The following TOX2 variants were observed in gnomAD, a reference collection of about 807,000 sequenced individuals.
The protein encoded by TOX2 is TOX high mobility group box family member 2, also known as granulosa cell HMG box 1.
In TOX2, 15 loss-of-function variants were observed where a neutral mutation model predicts 47.4. The observed-to-expected ratio is 0.32, with a 90% CI of 0.21 to 0.49. The LOEUF is 0.49. Among genes scored for constraint, TOX2 ranks in the 20% least tolerant of loss-of-function variants. TOX2 has a pLI of 0.99. For missense variants in TOX2, 622 were observed against 673.1 expected (o/e 0.92, Z 0.84); for synonymous variants, 290 against 296.6 (o/e 0.98, Z 0.23).
intron 2 of TOX2, among the ~76,000 whole-genome samples, chr20:43,990,498 A>G (rs2070351045): frequency 6.6e-6 from 1 of 152,196 alleles, no homozygotes; most frequent in African/African-American, 2.4e-5. Context: ...TGGTGCCACC[A>G]CCTGGGAAGG....
chr20:44,053,471 C>CAT lies in TOX2; in HGVS notation c.652-818_652-817dup, dbSNP rs57421718. On this transcript the variant is annotated intron_variant, in intron 4 of 8. Transcript: ENST00000341197. The stretch of plus-strand genomic sequence containing the variant: ...ACACACACACACACACACACACACA[C>CAT]ATATATATATACACACATATATATA... 5.6e-4 allele frequency among the ~76,000 whole-genome samples: 63 copies of CAT among 113,290 alleles called. No homozygotes were observed. In the South Asian group the frequency reaches 6.8e-3, roughly 12 times the overall value. 74.3% of individuals were successfully genotyped at this position (113,290 alleles called of 152,430 possible).
intron 1 of TOX2, among the ~76,000 whole-genome samples, chr20:43,934,167 G>GAGAGAGAGAGAGAGAGA (rs1325521677): frequency 2.4e-4 from 36 of 149,878 alleles, no homozygotes; most frequent in African/African-American, 8.9e-4. Flanking sequence ...GAGAGAGAGA[G>GAGAGAGAGAGAGAGAGA]ACCTGCCCTC....
At chr20:44,046,505 G>A (rs1457446637) in intron 3 of TOX2, among the ~76,000 whole-genome samples, 2 of 152,216 alleles carry the variant, frequency 1.3e-5, no homozygotes, top group African/African-American at 4.8e-5. Context: ...AGATACTTGT[G>A]CACCCACGTT....
Position 43,970,711 on chromosome 20 carries a change from G to C in TOX2, c.100-2656G>C, listed in dbSNP as rs1053109121. Among the ~76,000 whole-genome samples, 10 of 152,210 alleles carry C rather than the reference G, an allele frequency of 6.6e-5. No individual in the cohort carries two copies. The East Asian group carries it at 1.7e-3, about 26-fold the overall frequency. On this transcript the variant is annotated intron_variant, in intron 1 of 8. Coordinates refer to ENST00000341197, the MANE Select transcript of TOX2 (RefSeq NM_001098797.2). ...TCAAGTACCCAGGAGCTTTTGCTGA[G>C]AGCGCCCCCACCCTGCCTAATTTAT...
intron 2 of TOX2, among the ~76,000 whole-genome samples, chr20:44,004,638 G>T (rs2070646403): frequency 1.3e-5 from 2 of 152,174 alleles, no homozygotes; most frequent in Admixed American, 6.5e-5. Context: ...ATGGAATTTA[G>T]GTATCTTGTG....
chr20:44,035,551 G>T lies in TOX2; in HGVS notation c.412-15755G>T, dbSNP rs1476899670. On this transcript the variant is annotated intron_variant, in intron 3 of 8. Transcript: ENST00000341197. ...CCACCACACAAGGCGTCTTGAAGGA[G>T]GGACTGTGTTCTGGTCAGCCATGTG... Among the ~76,000 whole-genome samples, 11 of 152,182 alleles carry T rather than the reference G, an allele frequency of 7.2e-5. 1 individual carries two copies. Among genetic ancestry groups the T allele is most frequent in the Admixed American group, 7.2e-4 (11 of 15,290 alleles).
chr20:44,066,643 A>G, intron 7 of TOX2, 87 bp from the exon 8 acceptor site: 1 of 1,602,746 alleles, frequency 6.2e-7, no homozygotes, highest in Non-Finnish European at 8.5e-7. Context: ...ACACCCTTGG[A>G]CACATGGGCT....
intron 1 of TOX2, among the ~76,000 whole-genome samples, chr20:43,957,949 C>T (rs945803932): frequency 3.3e-5 from 5 of 152,116 alleles, no homozygotes; most frequent in Non-Finnish European, 5.9e-5. Context: ...GGGGGATATC[C>T]GCCCCCAAGA....
At position 43,915,027 on chromosome 20, in the gene TOX2, G is replaced by A. The variant is rs1420156009; in HGVS notation, c.99+37G>A. The A allele has an allele frequency of 3.3e-6, 4 of 1,203,876 alleles. No individual in the cohort carries two copies. Among genetic ancestry groups the A allele is most frequent in the East Asian group, 7.2e-5 (2 of 27,698 alleles). 74.6% of individuals were successfully genotyped at this position (1,203,876 alleles called of 1,614,324 possible). A position where few individuals can be genotyped will look rare whatever the true frequency, so the allele number is the denominator to read the frequency against. ...CGGGCGGGGGTCCCCGGCGGGCGGG[G>A]CCGGAGTCACCTGGCAGCTCGGGAC... On this transcript the variant is annotated intron_variant, in intron 1 of 8. Coordinates refer to ENST00000341197, the MANE Select transcript of TOX2 (RefSeq NM_001098797.2). This position sits in a 1 kb window ranked among gnomAD's most constrained non-coding sequence, Gnocchi z 7.1.
rs1007116824 is a variant in TOX2, at chr20:44,062,415, T to A, written c.880-2362T>A. 7.3e-5 allele frequency among the ~76,000 whole-genome samples: 11 copies of A among 150,344 alleles called. No homozygotes were observed. The South Asian group carries it at 1.5e-3, about 20-fold the overall frequency. On this transcript the variant is annotated intron_variant, in intron 5 of 8. Transcript: ENST00000341197. ...ATAAATAAATAAATAAATGAATAAA[T>A]AAAATACTTAGGAATATACCTAACC...
At chr20:44,056,752 A>G (rs2071625530) in intron 5 of TOX2, among the ~76,000 whole-genome samples, 1 of 152,188 alleles carries the variant, frequency 6.6e-6, no homozygotes. Context: ...GTTGAGTATA[A>G]AAAGTTAGGA....
chr20:43,958,420 C>T (rs773958681), intron 1 of TOX2, among the ~76,000 whole-genome samples: 8 of 152,186 alleles, frequency 5.3e-5, no homozygotes, highest in East Asian at 1.9e-4. Flanking sequence ...GCACACATAC[C>T]GGTTTTCCCC....
intron 3 of TOX2, among the ~76,000 whole-genome samples, chr20:44,023,448 AAAG>A (rs1206646680): frequency 1.6e-4 from 24 of 151,882 alleles, no homozygotes; most frequent in African/African-American, 5.6e-4. Flanking sequence ...AAAAAAAAAA[AAAG>A]GAGGGAAAGA....
chr20:44,023,968 G>A (rs1569106793), intron 3 of TOX2, among the ~76,000 whole-genome samples: 3 of 151,986 alleles, frequency 2.0e-5, no homozygotes, highest in East Asian at 1.9e-4. Flanking sequence ...CCCTTAGCCC[G>A]TCCCCTCTCT....
At chr20:44,004,128 G>A (rs780054392) in intron 2 of TOX2, among the ~76,000 whole-genome samples, 5 of 152,166 alleles carry the variant, frequency 3.3e-5, no homozygotes, top group Admixed American at 1.3e-4. Context: ...TCCCAGGTTC[G>A]TGGTTCTATG....
chr20:44,060,218 T>C (rs561180619), intron 5 of TOX2, among the ~76,000 whole-genome samples: 1 of 152,304 alleles, frequency 6.6e-6, no homozygotes, highest in Admixed American at 6.5e-5. Flanking sequence ...TAAATTTATA[T>C]GCATCTAACA....
chr20:43,979,053 G>A (rs2070128230), intron 2 of TOX2, among the ~76,000 whole-genome samples: 1 of 152,144 alleles, frequency 6.6e-6, no homozygotes, highest in Non-Finnish European at 1.5e-5. Flanking sequence ...CTTCTACCAT[G>A]AGCCCATTTT....
intron 1 of TOX2, chr20:43,945,925 C>T (rs780972898): frequency 7.4e-6 from 12 of 1,613,334 alleles, no homozygotes; most frequent in South Asian, 5.5e-5. Context: ...GCAGCAGACT[C>T]GCACAGAGGC....
At chr20:44,050,147 A>T (rs570466788) in intron 3 of TOX2, among the ~76,000 whole-genome samples, 18 of 152,356 alleles carry the variant, frequency 1.2e-4, no homozygotes, top group African/African-American at 4.3e-4. Flanking sequence ...CACAGTGTAT[A>T]CATGCATCAA....
Sources: allele counts gnomAD v4.1 joint callset (sites outside exome capture counted in the v4.1 genomes callset), GRCh38; gene constraint gnomAD v4.1.1; non-coding constraint Gnocchi (gnomAD v3.1); transcripts MANE v1.5; gene names NCBI Gene and HGNC (gene_info 2026-07-23, HGNC 2026-07-21).